PIK3AP1: variants seen among roughly 807,000 people sequenced by gnomAD.
PIK3AP1 encodes the protein phosphoinositide-3-kinase adaptor protein 1.
Under a neutral mutation model 88.1 loss-of-function variants are expected in PIK3AP1, and 21 were observed. That is an observed-to-expected ratio of 0.24 (90% CI 0.17 to 0.34). The LOEUF is 0.34. Ranked by LOEUF, PIK3AP1 falls within the 10% of genes least tolerant of loss-of-function variation. The pLI, the probability that PIK3AP1 is intolerant of heterozygous loss-of-function variation, is 1.00. For missense variants in PIK3AP1, 828 were observed against 1,035.7 expected (o/e 0.80, Z 2.75); for synonymous variants, 398 against 400.0 (o/e 1.00, Z 0.06).
chr10:96,704,633 G>T (rs888797268), intron 2 of PIK3AP1, among the ~76,000 whole-genome samples: 7 of 151,868 alleles, frequency 4.6e-5, no homozygotes, highest in African/African-American at 1.7e-4. Context: ...CAGGAGAATT[G>T]CTCGAACCCA....
intron 8 of PIK3AP1, 146 bp downstream of exon 8, chr10:96,645,327 A>G (rs1843443707): frequency 1.3e-6 from 1 of 748,402 alleles, no homozygotes; most frequent in Non-Finnish European, 2.1e-6. Context: ...ACATGACTCC[A>G]GCCCTAGCTT....
At chr10:96,717,287 A>G (rs1450686388) in intron 1 of PIK3AP1, among the ~76,000 whole-genome samples, 2 of 150,340 alleles carry the variant, frequency 1.3e-5, no homozygotes, top group East Asian at 2.0e-4. Flanking sequence ...CTCACTGGAG[A>G]GAAGTACAGA....
chr10:96,597,330 C>CCTTG (rs1848784376), intron 16 of PIK3AP1, among the ~76,000 whole-genome samples: 3 of 113,462 alleles, frequency 2.6e-5, no homozygotes, highest in Non-Finnish European at 3.5e-5. Flanking sequence ...TTCCTTCCTT[C>CCTTG]TTTCCTTCCC....
chr10:96,632,704 T>C (rs1398581958), intron 8 of PIK3AP1, among the ~76,000 whole-genome samples: 1 of 152,226 alleles, frequency 6.6e-6, no homozygotes, highest in African/African-American at 2.4e-5. Flanking sequence ...TGTGACTTGG[T>C]AGAGTTCTTT....
intron 2 of PIK3AP1, among the ~76,000 whole-genome samples, chr10:96,657,195 GT>G (rs1432652063): frequency 1.3e-5 from 2 of 152,172 alleles, no homozygotes; most frequent in Non-Finnish European, 2.9e-5. Flanking sequence ...GAGGCTGCAG[GT>G]TTAGTCTTAA....
chr10:96,620,427 C>T lies in PIK3AP1; in HGVS notation c.1866G>A (p.Val622=), dbSNP rs1236390217. 1.9e-6 allele frequency: 3 copies of T among 1,614,196 alleles called. No homozygotes were observed. In the East Asian group the frequency reaches 6.7e-5, roughly 36 times the overall value. The change falls in exon 12 of 17, where the codon GTG becomes GTA. Residue 622 remains valine, a synonymous_variant. Coordinates refer to ENST00000339364, the MANE Select transcript of PIK3AP1 (RefSeq NM_152309.3). ...QEQVKLGIVN[V]DEAVLHFKEW... ...CTTTGAAGTGGAGCACAGCCTCATC[C>T]ACGTTGACAATGCCCAGCTTCACCT...
chr10:96,681,103 GT>G (rs1175705371), intron 2 of PIK3AP1, among the ~76,000 whole-genome samples: 1 of 152,094 alleles, frequency 6.6e-6, no homozygotes, highest in Non-Finnish European at 1.5e-5. Context: ...CAGCAGGGTT[GT>G]TTTTTTCTCG....
intron 2 of PIK3AP1, among the ~76,000 whole-genome samples, chr10:96,696,745 T>A (rs1370712568): frequency 6.6e-6 from 1 of 152,202 alleles, no homozygotes; most frequent in African/African-American, 2.4e-5. Flanking sequence ...TAATGTGATA[T>A]ACTCCTAAGA....
At chr10:96,704,921 C>T (rs1426566471) in intron 2 of PIK3AP1, among the ~76,000 whole-genome samples, 4 of 152,096 alleles carry the variant, frequency 2.6e-5, no homozygotes, top group Admixed American at 6.6e-5. Context: ...AAATAACCTC[C>T]TCTACTCTAT....
intron 13 of PIK3AP1, 82 bp downstream of exon 13, chr10:96,616,557 C>G (rs1337971317): frequency 6.8e-7 from 1 of 1,479,254 alleles, no homozygotes; most frequent in Non-Finnish European, 9.4e-7. Flanking sequence ...TCTGCCCACT[C>G]AGGCCACAGC....
At chr10:96,632,077 A>G (rs1160553081) in intron 8 of PIK3AP1, among the ~76,000 whole-genome samples, 1 of 152,214 alleles carries the variant, frequency 6.6e-6, no homozygotes, top group Non-Finnish European at 1.5e-5. Context: ...AGAGCATTCT[A>G]CAAAATAACT....
intron 11 of PIK3AP1, among the ~76,000 whole-genome samples, chr10:96,622,165 C>T (rs1843092864): frequency 6.6e-6 from 1 of 152,262 alleles, no homozygotes; most frequent in South Asian, 2.1e-4. Flanking sequence ...ACAGGCCCAA[C>T]AGCATCAGGT....
chr10:96,675,177 G>A (rs762486593), intron 2 of PIK3AP1, among the ~76,000 whole-genome samples: 5 of 133,690 alleles, frequency 3.7e-5, no homozygotes, highest in Non-Finnish European at 6.3e-5. Flanking sequence ...ACAGGTGTGA[G>A]CCACTGCACC....
At chr10:96,597,296 TTCC>T (rs1848779842) in intron 16 of PIK3AP1, among the ~76,000 whole-genome samples, 1 of 130,200 alleles carries the variant, frequency 7.7e-6, no homozygotes, top group Non-Finnish European at 1.6e-5. Context: ...CCTTCCTTCC[TTCC>T]TTCCTTCCTT....
intron 13 of PIK3AP1, among the ~76,000 whole-genome samples, chr10:96,611,176 G>T (rs1454531439): frequency 6.6e-6 from 1 of 152,238 alleles, no homozygotes; most frequent in East Asian, 1.9e-4. Context: ...GATCAGAGTG[G>T]ATTGTTGGCT....
intron 10 of PIK3AP1, among the ~76,000 whole-genome samples, chr10:96,625,589 C>T (rs4919041): frequency 0.46 from 69,513 of 152,092 alleles, 18,346 homozygotes; most frequent in East Asian, 0.77. Context: ...TCAAAGTCAA[C>T]TGGGCATCCT....
At chr10:96,626,973 C>T in intron 9 of PIK3AP1, 68 bp from the exon 10 acceptor site, 1 of 1,435,434 alleles carries the variant, frequency 7.0e-7, no homozygotes, top group Non-Finnish European at 9.8e-7. Flanking sequence ...AGTCATAAAG[C>T]AGAGTGAGGG....
At chr10:96,626,016 G>A (rs1048261072) in intron 10 of PIK3AP1, among the ~76,000 whole-genome samples, 1 of 152,112 alleles carries the variant, frequency 6.6e-6, no homozygotes, top group Non-Finnish European at 1.5e-5. Flanking sequence ...CCAAAGTACT[G>A]GGATTACAGG....
rs768087248 is a variant in PIK3AP1, at chr10:96,656,839, C to T, written c.526G>A (p.Gly176Arg). The T allele has an allele frequency of 9.3e-6, 15 of 1,614,022 alleles. No individual in the cohort carries two copies. Among genetic ancestry groups the T allele is most frequent in the Non-Finnish European group, 1.3e-5 (15 of 1,180,038 alleles). The change falls in exon 3 of 17, where the codon GGG (glycine) becomes AGG (arginine). Residue 176 changes from glycine to arginine, a missense_variant. By Grantham distance (125) the Gly-to-Arg change is moderately radical. Transcript: ENST00000339364. ...QQNLPTVTSP[G>R]NLMVVQPDRI... The stretch of plus-strand genomic sequence containing the variant: ...TCCGGCTGCACCACCATCAGGTTCC[C>T]AGGTGAAGTCACCGTCGGCAGGTTC...
Sources: allele counts gnomAD v4.1 joint callset (sites outside exome capture counted in the v4.1 genomes callset), GRCh38; gene constraint gnomAD v4.1.1; transcripts MANE v1.5; gene names NCBI Gene and HGNC (gene_info 2026-07-23, HGNC 2026-07-21).